Variants in POMGNT1 observed in about 807,000 individuals in gnomAD.
POMGNT1 encodes protein O-linked mannose N-acetylglucosaminyltransferase 1 (beta 1,2-), also known as protein O-linked-mannose beta-1,2-N-acetylglucosaminyltransferase 1.
POMGNT1 carries 67 observed loss-of-function variants against 95.6 expected under a neutral mutation model. The ratio of observed to expected loss-of-function variants is 0.70; its 90% CI spans 0.58 to 0.86. POMGNT1 has a LOEUF of 0.86. POMGNT1 is among the 40% of genes least tolerant of loss of function. The probability of loss-of-function intolerance (pLI) is 0.00; values close to 1 mark genes in which losing one functional copy is unlikely to be tolerated. For synonymous variants in POMGNT1, 298 were observed against 317.9 expected (o/e 0.94, Z 0.66); for missense variants, 719 against 855.2 (o/e 0.84, Z 1.99).
intron 1 of POMGNT1, among the ~76,000 whole-genome samples, chr1:46,212,458 T>C (rs1038912255): frequency 1.3e-5 from 2 of 151,964 alleles, no homozygotes; most frequent in Non-Finnish European, 2.9e-5. Context: ...TTTTTTTGTA[T>C]TTTTAACAGA....
intron 17 of POMGNT1, 79 bp downstream of exon 17, chr1:46,192,019 G>C (rs1264614825): frequency 4.0e-6 from 6 of 1,512,112 alleles, no homozygotes; most frequent in Non-Finnish European, 5.5e-6. Context: ...AAGTAGCAGA[G>C]CTAAGATTGC....
In POMGNT1 at chr1:46,197,775, C is replaced by T. The variant is rs1402978979; in HGVS notation, c.47G>A (p.Arg16Gln). ...PSPLIKPFGA[R>Q]KKRSWYLTWK... is the part of the protein sequence containing the mutation. ...GGTAAGGTACCAGCTCCGCTTCTTC[C>T]GAGCCCCAAAGGGCTTGATGAGGGG... Residue 16 changes from arginine (R) to glutamine (Q), a missense_variant, in exon 2 of 22, where the codon CGG (arginine) becomes CAG (glutamine). This residue lies in a region of POMGNT1 where 466 missense variants were observed against 517.4 expected (regional missense o/e 0.90). Transcript: ENST00000371984. The T allele has an allele frequency of 2.5e-6, 4 of 1,614,026 alleles. No homozygotes were observed. Among genetic ancestry groups the T allele is most frequent in the African/African-American group, 2.7e-5 (2 of 74,922 alleles).
chr1:46,214,701 A>G (rs1388514764), intron 1 of POMGNT1, among the ~76,000 whole-genome samples: 2 of 151,950 alleles, frequency 1.3e-5, no homozygotes, highest in Non-Finnish European at 2.9e-5. Flanking sequence ...CCCCATCTCT[A>G]CTAAAAATAC....
upstream of POMGNT1, among the ~76,000 whole-genome samples, chr1:46,202,244 TAAAC>T (rs951756432): frequency 6.6e-6 from 1 of 151,992 alleles, no homozygotes; most frequent in African/African-American, 2.4e-5. Context: ...ATTAAAAGCC[TAAAC>T]AAACCAGAGT....
chr1:46,194,695 G>T, intron 7 of POMGNT1, 44 bp from the exon 8 acceptor site: 1 of 1,614,252 alleles, frequency 6.2e-7, no homozygotes, highest in South Asian at 1.1e-5. Flanking sequence ...CCAGACACCA[G>T]TTTGGGGGCT....
At chr1:46,203,454 C>T in intron 1 of POMGNT1, 2 of 1,499,780 alleles carry the variant, frequency 1.3e-6, no homozygotes, top group Non-Finnish European at 1.8e-6. Context: ...GTCCCAGACG[C>T]CTGACCTGCG....
chr1:46,194,200 C>A (rs1658023438), intron 9 of POMGNT1, 74 bp downstream of exon 9: 1 of 1,613,196 alleles, frequency 6.2e-7, no homozygotes, highest in Admixed American at 1.7e-5. Flanking sequence ...GAAAGCCCAA[C>A]CTAGATCATT....
At chr1:46,219,688 C>T (rs780618618) in intron 1 of POMGNT1, 2 of 1,558,162 alleles carry the variant, frequency 1.3e-6, no homozygotes, top group South Asian at 1.2e-5. Flanking sequence ...TTCCTTCTCC[C>T]ACTCCCCCAG....
Position 46,188,800 on chromosome 1 carries a change from T to C in POMGNT1, c.*470A>G. On this transcript the variant is annotated 3_prime_UTR_variant, in exon 22 of 22. Coordinates refer to ENST00000371984, the MANE Select transcript of POMGNT1 (RefSeq NM_017739.4). Reference sequence around the variant, plus strand: ...GTCTAAGGGTCTCTGAGTGAGTCTGTGTCAGCATGTGGGCCCCAGCTGGGC... The same window carrying C: ...GTCTAAGGGTCTCTGAGTGAGTCTGCGTCAGCATGTGGGCCCCAGCTGGGC... 6 of 1,612,876 alleles carry C rather than the reference T, an allele frequency of 3.7e-6. No individual in the cohort carries two copies. Among genetic ancestry groups the C allele is most frequent in the Non-Finnish European group, 5.1e-6 (6 of 1,179,884 alleles).
Position 46,194,820 on chromosome 1 carries a change from G to C in POMGNT1, c.652+24C>G, listed in dbSNP as rs756675201. 20 of 1,613,784 alleles carry C rather than the reference G, an allele frequency of 1.2e-5. No individual in the cohort carries two copies. In the Admixed American group the frequency reaches 3.2e-4, roughly 26 times the overall value. On this transcript the variant is annotated intron_variant, in intron 7 of 21. Transcript: ENST00000371984. ...CCTCCCAGGCTCTTGATACTACAGA[G>C]TGGATGGCCTCTGATGCCGGCACCT...
At chr1:46,214,561 A>G (rs956023099) in intron 1 of POMGNT1, among the ~76,000 whole-genome samples, 1 of 152,090 alleles carries the variant, frequency 6.6e-6, no homozygotes, top group East Asian at 1.9e-4. Context: ...GAAAAGAAAA[A>G]AGAAAAACCA....
chr1:46,197,096 G>C lies in POMGNT1; in HGVS notation c.121-12C>G. ...AGCACGGCCCCTGTCTGAGGGGAGG[G>C]GTAGGGATGATTAAGAGGAGCACCT... On this transcript the variant is annotated splice_polypyrimidine_tract_variant and intron_variant, in intron 2 of 21. Transcript: ENST00000371984. 6.2e-7 allele frequency: 1 copy of C among 1,614,090 alleles called. No individual in the cohort carries two copies. The highest frequency in any genetic ancestry group is 8.5e-7 in the Non-Finnish European group (1 of 1,179,994).
chr1:46,189,056 T>C lies in POMGNT1; in HGVS notation c.*214A>G. On this transcript the variant is annotated 3_prime_UTR_variant, in exon 22 of 22. Transcript: ENST00000371984. ...TGATTCCCAGGTACTCTCCTGCCCT[T>C]CTCCAACAAGGAAGTAAATAAATAG... 1.3e-6 allele frequency: 2 copies of C among 1,532,158 alleles called. No homozygotes were observed. Among genetic ancestry groups the C allele is most frequent in the South Asian group, 2.6e-5 (2 of 77,906 alleles). 94.9% of individuals were successfully genotyped at this position (1,532,158 alleles called of 1,614,324 possible).
upstream of POMGNT1, among the ~76,000 whole-genome samples, chr1:46,201,137 A>C (rs1224829443): frequency 6.6e-6 from 1 of 152,132 alleles, no homozygotes; most frequent in Non-Finnish European, 1.5e-5. Flanking sequence ...TCTCAAAAAA[A>C]AAAGACAAAT....
chr1:46,204,168 TA>T (rs1360759871), intron 1 of POMGNT1, among the ~76,000 whole-genome samples: 2 of 152,132 alleles, frequency 1.3e-5, no homozygotes, highest in East Asian at 3.8e-4. Context: ...CTACTTAAAA[TA>T]ATGGAAAGTT....
At chr1:46,197,227 C>A in intron 2 of POMGNT1, 143 bp from the exon 3 acceptor site, 2 of 1,569,676 alleles carry the variant, frequency 1.3e-6, no homozygotes, top group East Asian at 4.5e-5. Context: ...GCTCTACTCC[C>A]CTGACCAGGG....
At chr1:46,192,054 G>A (rs1418038239) in intron 17 of POMGNT1, 44 bp downstream of exon 17, 3 of 1,586,766 alleles carry the variant, frequency 1.9e-6, no homozygotes, top group Non-Finnish European at 2.6e-6. Context: ...TCTTGTTCTT[G>A]ACTGTCATGC....
chr1:46,198,082 T>G, intron 1 of POMGNT1: 1 of 542,014 alleles, frequency 1.8e-6, no homozygotes, highest in Non-Finnish European at 3.3e-6. Flanking sequence ...AGTAACTCTC[T>G]GAATCAAGGC....
chr1:46,202,909 G>GGC (rs1553164814), upstream of POMGNT1, among the ~76,000 whole-genome samples: 8 of 105,202 alleles, frequency 7.6e-5, 1 homozygote, highest in Non-Finnish European at 1.4e-4. Context: ...TAGCCCCTGG[G>GGC]GGGGGGGGGT....
Sources: allele counts gnomAD v4.1 joint callset (sites outside exome capture counted in the v4.1 genomes callset), GRCh38; gene constraint gnomAD v4.1.1; regional missense constraint gnomAD v4.1.1; transcripts MANE v1.5; gene names NCBI Gene and HGNC (gene_info 2026-07-23, HGNC 2026-07-21).